COL25A1: variants seen among roughly 807,000 people sequenced by gnomAD.
COL25A1 encodes collagen alpha-1(XXV) chain.
In COL25A1, 103 loss-of-function variants were observed where a neutral mutation model predicts 128.4. That is an observed-to-expected ratio of 0.80 (90% CI 0.68 to 0.94). The LOEUF (loss-of-function observed/expected upper bound fraction) is 0.94. Among genes scored for constraint, COL25A1 ranks in the 40% least tolerant of loss-of-function variants. The pLI, the probability that COL25A1 is intolerant of heterozygous loss-of-function variation, is 0.00. For missense variants in COL25A1, 745 were observed against 840.0 expected (o/e 0.89, Z 1.40); for synonymous variants, 279 against 277.2 (o/e 1.01, Z -0.06).
At chr4:108,826,034 CT>C (rs952113715) in intron 33 of COL25A1, among the ~76,000 whole-genome samples, 2 of 151,886 alleles carry the variant, frequency 1.3e-5, no homozygotes, top group African/African-American at 2.4e-5. Context: ...AAATCAGCAT[CT>C]TTTTTTTGAT....
chr4:108,879,437 T>A (rs1430465817), intron 19 of COL25A1, among the ~76,000 whole-genome samples: 5 of 152,082 alleles, frequency 3.3e-5, no homozygotes, highest in African/African-American at 1.2e-4. Context: ...ACTGATGGTA[T>A]ATGGGTTTTT....
intron 3 of COL25A1, among the ~76,000 whole-genome samples, chr4:109,266,657 A>C (rs2126260585): frequency 6.6e-6 from 1 of 152,274 alleles, no homozygotes; most frequent in Non-Finnish European, 1.5e-5. Context: ...TACGACCAAA[A>C]AAAAAAAAAG....
At chr4:109,258,435 A>G (rs1781220976) in intron 3 of COL25A1, among the ~76,000 whole-genome samples, 1 of 149,566 alleles carries the variant, frequency 6.7e-6, no homozygotes. Flanking sequence ...TCAGTATATC[A>G]TCTGTAAAAT....
chr4:109,272,265 T>C (rs1782250595), intron 3 of COL25A1, among the ~76,000 whole-genome samples: 1 of 152,076 alleles, frequency 6.6e-6, no homozygotes, highest in Non-Finnish European at 1.5e-5. Flanking sequence ...CAAAGTTATA[T>C]CTCTTTTCAG....
At chr4:109,171,660 A>G (rs933595263) in intron 3 of COL25A1, among the ~76,000 whole-genome samples, 1 of 152,222 alleles carries the variant, frequency 6.6e-6, no homozygotes, top group African/African-American at 2.4e-5. Context: ...TTTCCAAGGT[A>G]AGTGCTGTAT....
intron 11 of COL25A1, among the ~76,000 whole-genome samples, chr4:108,933,172 G>T (rs1452591964): frequency 2.6e-5 from 4 of 152,126 alleles, no homozygotes; most frequent in Non-Finnish European, 4.4e-5. Context: ...TTCCCTACCT[G>T]AGACACTCAT....
chr4:108,844,635 C>A lies in COL25A1; in HGVS notation c.1579-66G>T. 14 of 1,564,234 alleles carry A rather than the reference C, an allele frequency of 9.0e-6. No individual in the cohort carries two copies. In the South Asian group the frequency reaches 1.6e-4, roughly 18 times the overall value. The stretch of plus-strand genomic sequence containing the variant: ...TTAGATAAGGCAGTTCAACTTGAAT[C>A]TTGTGCTGGGGTTCTGCTAAGGCCA... On this transcript the variant is annotated intron_variant, in intron 29 of 37. Coordinates refer to ENST00000399132, the MANE Select transcript of COL25A1 (RefSeq NM_198721.4).
At chr4:109,069,643 C>A (rs1216308688) in intron 3 of COL25A1, among the ~76,000 whole-genome samples, 1 of 152,130 alleles carries the variant, frequency 6.6e-6, no homozygotes, top group Non-Finnish European at 1.5e-5. Flanking sequence ...GTGACTACAT[C>A]TAAAAGGAAG....
At chr4:109,116,360 C>A (rs188481959) in intron 3 of COL25A1, among the ~76,000 whole-genome samples, 4 of 152,022 alleles carry the variant, frequency 2.6e-5, no homozygotes, top group East Asian at 1.9e-4. Context: ...TAGCCTGTTG[C>A]GATTTTATCA....
At chr4:108,997,586 T>C (rs552760506) in intron 6 of COL25A1, among the ~76,000 whole-genome samples, 115 of 152,232 alleles carry the variant, frequency 7.6e-4, no homozygotes, top group Middle Eastern at 6.8e-3. Context: ...ACTATTTCAA[T>C]CAATAGAAAA....
intron 6 of COL25A1, among the ~76,000 whole-genome samples, chr4:109,009,796 T>C (rs1756410149): frequency 6.6e-6 from 1 of 152,206 alleles, no homozygotes; most frequent in African/African-American, 2.4e-5. Flanking sequence ...TGTATTTCCA[T>C]CTTCATGCCA....
intron 8 of COL25A1, among the ~76,000 whole-genome samples, chr4:108,945,934 G>A (rs150260570): frequency 6.6e-6 from 1 of 152,002 alleles, no homozygotes. Context: ...CAAAGTGCTG[G>A]GATTATAGGT....
chr4:108,824,152 C>A (rs1225426752), intron 35 of COL25A1, 22 bp downstream of exon 35: 1 of 1,614,086 alleles, frequency 6.2e-7, no homozygotes, highest in Non-Finnish European at 8.5e-7. Flanking sequence ...AAACAAGGTA[C>A]ATGCTGGGAT....
chr4:108,897,980 A>T (rs201838221), intron 15 of COL25A1, among the ~76,000 whole-genome samples: 8 of 37,708 alleles, frequency 2.1e-4, no homozygotes, highest in Admixed American at 4.0e-4. Context: ...TAATTTCTAC[A>T]CAAAAGAGTC....
At chr4:109,218,357 GTTTTTTTTTTTTTTT>G (rs34056401) in intron 3 of COL25A1, among the ~76,000 whole-genome samples, 1 of 73,530 alleles carries the variant, frequency 1.4e-5, no homozygotes, top group Admixed American at 2.1e-4. Flanking sequence ...GTTTTTTGGG[GTTTTTTTTTTTTTTT>G]TTTTTTTTTT....
chr4:108,926,891 A>C (rs934548794), intron 11 of COL25A1, among the ~76,000 whole-genome samples: 1 of 152,050 alleles, frequency 6.6e-6, no homozygotes, highest in Non-Finnish European at 1.5e-5. Flanking sequence ...GGAAATGCCA[A>C]CTAGAAACTG....
At chr4:109,076,680 T>C (rs929001071) in intron 3 of COL25A1, among the ~76,000 whole-genome samples, 1 of 151,914 alleles carries the variant, frequency 6.6e-6, no homozygotes, top group African/African-American at 2.4e-5. Flanking sequence ...AACAAAATAA[T>C]TATACAACTC....
intron 5 of COL25A1, among the ~76,000 whole-genome samples, chr4:109,028,930 T>C (rs1758577119): frequency 6.6e-6 from 1 of 152,052 alleles, no homozygotes; most frequent in South Asian, 2.1e-4. Flanking sequence ...ACTAAATTTG[T>C]CATAATAAAG....
Position 109,013,851 on chromosome 4 carries a change from G to T in COL25A1, c.421-3476C>A, listed in dbSNP as rs78350849. Among the ~76,000 whole-genome samples the T allele has an allele frequency of 5.6e-4, 86 of 152,254 alleles. 2 individuals carry two copies. Among genetic ancestry groups the T allele is most frequent in the East Asian group, 2.3e-3 (12 of 5,170 alleles). ...ACTGTAACACTCACCATGAGAATCC[G>T]TGGCTTCATTCTTGAAGTCAGTGAG... On this transcript the variant is annotated intron_variant, in intron 5 of 37. Transcript: ENST00000399132.
Sources: allele counts gnomAD v4.1 joint callset (sites outside exome capture counted in the v4.1 genomes callset), GRCh38; gene constraint gnomAD v4.1.1; transcripts MANE v1.5; gene names NCBI Gene and HGNC (gene_info 2026-07-23, HGNC 2026-07-21).